The following DYNC1I2 variants were observed in gnomAD, a reference collection of about 807,000 sequenced individuals.
DYNC1I2 encodes the protein dynein cytoplasmic 1 intermediate chain 2, also known as cytoplasmic dynein 1 intermediate chain 2.
DYNC1I2 carries 53 observed loss-of-function variants against 88.6 expected under a neutral mutation model. That is an observed-to-expected ratio of 0.60 (90% confidence interval 0.48 to 0.75). DYNC1I2 has a LOEUF of 0.75. Ranked by LOEUF, DYNC1I2 falls within the 30% of genes least tolerant of loss-of-function variation. The probability of loss-of-function intolerance (pLI) is 0.00; values close to 1 mark genes in which losing one functional copy is unlikely to be tolerated. For missense variants in DYNC1I2, 458 were observed against 766.6 expected (o/e 0.60, Z 4.75); for synonymous variants, 198 against 254.6 (o/e 0.78, Z 2.12).
intron 14 of DYNC1I2, 87 bp from the exon 15 acceptor site, chr2:171,729,622 C>T: frequency 2.9e-6 from 4 of 1,401,420 alleles, no homozygotes; most frequent in Non-Finnish European, 3.9e-6. Flanking sequence ...GAAGTCAAGG[C>T]CTGATATATA....
Position 171,747,920 on chromosome 2 carries a change from T to G in DYNC1I2, c.*31T>G. 1.1e-5 allele frequency: 16 copies of G among 1,465,954 alleles called. No homozygotes were observed. The highest frequency in any genetic ancestry group is 1.5e-5 in the Non-Finnish European group (16 of 1,051,688). 90.8% of individuals were successfully genotyped at this position (1,465,954 alleles called of 1,614,324 possible). ...GAAAAGGGGAGTGTAACTAGTGGAT[T>G]TGGGAAAGGTTCTTAAGTAGATCCT... On this transcript the variant is annotated 3_prime_UTR_variant, in exon 18 of 18. Coordinates refer to ENST00000397119, the MANE Select transcript of DYNC1I2 (RefSeq NM_001378.3).
chr2:171,704,908 T>A (rs1021429232), intron 3 of DYNC1I2, among the ~76,000 whole-genome samples: 3 of 152,284 alleles, frequency 2.0e-5, no homozygotes, highest in African/African-American at 7.2e-5. Context: ...TGATAGTAAT[T>A]TTTTTCTAGG....
At chr2:171,740,814 T>C (rs1449846896) in intron 15 of DYNC1I2, among the ~76,000 whole-genome samples, 4 of 152,192 alleles carry the variant, frequency 2.6e-5, no homozygotes, top group African/African-American at 7.2e-5. Context: ...AAAACCCTTA[T>C]ACCATGAAAT....
intron 2 of DYNC1I2, 34 bp from the exon 3 acceptor site, chr2:171,692,743 A>G (rs772482752): frequency 4.7e-6 from 7 of 1,479,748 alleles, no homozygotes; most frequent in South Asian, 1.3e-5. Context: ...TTCATACTAT[A>G]TGTAAACATA....
chr2:171,726,198 A>G lies in DYNC1I2; in HGVS notation c.775A>G (p.Ile259Val), dbSNP rs757349085. The change falls in exon 10 of 18, where the codon ATT becomes GTT. Residue 259 changes from isoleucine (I) to valine (V), a missense_variant. Physicochemically the swap from Ile to Val is conservative, Grantham distance 29 (BLOSUM62 3). Around this residue, in one of 5 missense-constraint regions of DYNC1I2, gnomAD observed 203 missense variants for 354.2 expected, o/e 0.57. Transcript: ENST00000397119. Reference sequence around the variant, plus strand: ...GGGTTTGGTCTTTTTTTGTAGAGAGATTCAAGCAGGTGCTAAACTGTCATT... The same window carrying G: ...GGGTTTGGTCTTTTTTTGTAGAGAGGTTCAAGCAGGTGCTAAACTGTCATT... ...GRDLEDKEGE[I>V]QAGAKLSLNR... is the part of the protein sequence containing the mutation. 5.0e-6 allele frequency: 8 copies of G among 1,609,030 alleles called. No individual in the cohort carries two copies. The South Asian group carries it at 8.9e-5, about 18-fold the overall frequency.
intron 16 of DYNC1I2, among the ~76,000 whole-genome samples, chr2:171,744,525 G>C (rs1005360993): frequency 6.6e-6 from 1 of 152,178 alleles, no homozygotes; most frequent in African/African-American, 2.4e-5. Context: ...GACTGTTGAA[G>C]TATGTTAACC....
chr2:171,729,666 C>T (rs1553592939), intron 14 of DYNC1I2, 43 bp from the exon 15 acceptor site: 1 of 1,607,872 alleles, frequency 6.2e-7, no homozygotes, highest in East Asian at 2.2e-5. Context: ...AATTGGTCTA[C>T]TTATAGGAGA....
In DYNC1I2 at chr2:171,745,921, G is replaced by C; in HGVS notation, c.1797G>C (p.Val599=). Residue 599 remains valine, a synonymous_variant, in exon 17 of 18, where the codon GTG becomes GTC. Coordinates refer to ENST00000397119, the MANE Select transcript of DYNC1I2 (RefSeq NM_001378.3). ...AAGGACAGATTGTTATATACGATGTGGGAGAGGTATGGGACTCCCTGCCTG... is the reference window on the plus strand; with the variant it reads ...AAGGACAGATTGTTATATACGATGTCGGAGAGGTATGGGACTCCCTGCCTG... The part of the protein sequence containing the change: ...DSEGQIVIYD[V]GEQIAVPRND... 1 of 1,613,632 alleles carries C rather than the reference G, an allele frequency of 6.2e-7. No individual in the cohort carries two copies. The highest frequency in any genetic ancestry group is 8.5e-7 in the Non-Finnish European group (1 of 1,179,660).
At chr2:171,727,991 T>G in intron 12 of DYNC1I2, 24 bp downstream of exon 12, 1 of 1,608,102 alleles carries the variant, frequency 6.2e-7, no homozygotes, top group Non-Finnish European at 8.5e-7. Context: ...GTTATTTCCA[T>G]TAGGCTTCTG....
chr2:171,726,669 C>G, intron 10 of DYNC1I2, 122 bp from the exon 11 acceptor site: 1 of 1,144,576 alleles, frequency 8.7e-7, no homozygotes, highest in Non-Finnish European at 1.2e-6. Flanking sequence ...AGATGTCTCT[C>G]TTGATGAAAT....
rs774695510 is a variant in DYNC1I2, at chr2:171,747,875, C to T, written c.1903C>T (p.Arg635Ter). ...TGATGCAGAGGAGGAAGCAGCTACC[C>T]GAATACCTGCTTAGTTCCTGAAAAG... The part of the protein sequence containing the change: ...RADAEEEAAT[R>*]IPA Residue 635 changes from arginine (R) to a stop codon, truncating the protein, a stop_gained, in exon 18 of 18, where the codon CGA (arginine) becomes TGA (stop). Transcript: ENST00000397119. LOFTEE classifies it high-confidence loss of function. 5.6e-6 allele frequency: 9 copies of T among 1,608,784 alleles called. No homozygotes were observed. In the African/African-American group the frequency reaches 6.7e-5, roughly 12 times the overall value.
chr2:171,688,707 C>T (rs749160826), intron 1 of DYNC1I2: 9 of 152,140 alleles, frequency 5.9e-5, no homozygotes, highest in Non-Finnish European at 1.2e-4. Context: ...ATTCGCTTGC[C>T]AGTCTTAATG....
At chr2:171,734,702 T>C (rs1314801877) in intron 15 of DYNC1I2, among the ~76,000 whole-genome samples, 1 of 152,206 alleles carries the variant, frequency 6.6e-6, no homozygotes, top group African/African-American at 2.4e-5. Flanking sequence ...TTCTACTCTG[T>C]GAAGGGTAGA....
At chr2:171,730,571 T>C (rs1688539658) in intron 15 of DYNC1I2, among the ~76,000 whole-genome samples, 1 of 152,220 alleles carries the variant, frequency 6.6e-6, no homozygotes, top group African/African-American at 2.4e-5. Context: ...GTGATAGACT[T>C]GTAATTTCAT....
intron 5 of DYNC1I2, among the ~76,000 whole-genome samples, chr2:171,708,183 T>C (rs1686831822): frequency 6.6e-6 from 1 of 152,136 alleles, no homozygotes; most frequent in South Asian, 2.1e-4. Flanking sequence ...AATGCTTATT[T>C]TGGGCCAGGA....
intron 7 of DYNC1I2, among the ~76,000 whole-genome samples, chr2:171,717,019 GAAAT>G (rs1381478516): frequency 6.6e-6 from 1 of 152,052 alleles, no homozygotes; most frequent in Admixed American, 6.6e-5. Flanking sequence ...GGATGGAAAT[GAAAT>G]AAATACATTA....
intron 6 of DYNC1I2, 40 bp from the exon 7 acceptor site, chr2:171,715,288 A>C (rs1486511591): frequency 8.1e-7 from 1 of 1,230,702 alleles, no homozygotes; most frequent in Non-Finnish European, 1.2e-6. Context: ...ACATGGTTTG[A>C]TGTAGTTAAA....
chr2:171,702,285 T>C (rs1245014789), intron 3 of DYNC1I2, among the ~76,000 whole-genome samples: 17 of 152,256 alleles, frequency 1.1e-4, no homozygotes, highest in Non-Finnish European at 1.6e-4. Context: ...TTTCCCTTTC[T>C]TGTTGGCAGA....
intron 5 of DYNC1I2, 196 bp from the exon 6 acceptor site, chr2:171,712,571 A>G (rs1057223601): frequency 2.3e-5 from 12 of 521,374 alleles, no homozygotes; most frequent in South Asian, 1.2e-4. Context: ...TAGGAAGCCT[A>G]TTGCATGCAC....
Sources: allele counts gnomAD v4.1 joint callset (sites outside exome capture counted in the v4.1 genomes callset), GRCh38; gene constraint gnomAD v4.1.1; regional missense constraint gnomAD v4.1.1; transcripts MANE v1.5; gene names NCBI Gene and HGNC (gene_info 2026-07-23, HGNC 2026-07-21).